Variants in ADAMTS17 observed in about 807,000 individuals in gnomAD.
ADAMTS17 encodes the protein ADAM metallopeptidase with thrombospondin type 1 motif 17, also known as A disintegrin and metalloproteinase with thrombospondin motifs 17.
A neutral mutation model predicts 141.5 loss-of-function variants in ADAMTS17; 113 were observed. The ratio of observed to expected loss-of-function variants is 0.80; its 90% confidence interval spans 0.69 to 0.93. ADAMTS17 has a LOEUF of 0.93. Ranked by LOEUF, ADAMTS17 falls within the 40% of genes least tolerant of loss-of-function variation. ADAMTS17 has a pLI of 0.00. For synonymous variants in ADAMTS17, 768 were observed against 630.6 expected, an observed-to-expected ratio of 1.22 and a Z score of -3.27; for missense variants, 1,659 against 1,517.9, an observed-to-expected ratio of 1.09 and a Z score of -1.54.
rs553704462 is a variant in ADAMTS17 at position 100,082,001 on chromosome 15, T to C, written c.2137+14355A>G. ...ATTTGGACTCAGACTCTTTACTTACTAGACATGTTGCAAAAATTGTCAGTC... is the reference window on the plus strand; with the variant it reads ...ATTTGGACTCAGACTCTTTACTTACCAGACATGTTGCAAAAATTGTCAGTC... On this transcript the variant is annotated intron_variant, in intron 15 of 21. Coordinates refer to ENST00000268070, the MANE Select transcript of ADAMTS17 (RefSeq NM_139057.4). 3.9e-5 allele frequency among the ~76,000 whole-genome samples: 6 copies of C among 152,372 alleles called. No homozygotes were observed. In the East Asian group the frequency reaches 1.2e-3, roughly 29 times the overall value.
intron 20 of ADAMTS17, chr15:99,976,726 G>A (rs962708877): frequency 5.3e-5 from 11 of 209,326 alleles, no homozygotes; most frequent in South Asian, 1.7e-4. Context: ...TCTGTAAATC[G>A]GGGAGGGTCT....
chr15:100,097,520 G>A (rs1026190275), intron 14 of ADAMTS17, among the ~76,000 whole-genome samples: 1 of 152,330 alleles, frequency 6.6e-6, no homozygotes, highest in East Asian at 1.9e-4. Flanking sequence ...CTAGCACAGC[G>A]CCTCGGGTGC....
chr15:100,092,117 C>T (rs1380647807), intron 15 of ADAMTS17, among the ~76,000 whole-genome samples: 1 of 152,192 alleles, frequency 6.6e-6, no homozygotes, highest in Non-Finnish European at 1.5e-5. Flanking sequence ...TCTGGCATGT[C>T]TAGGTATTTT....
At chr15:100,008,377 G>T (rs1223289190) in intron 18 of ADAMTS17, among the ~76,000 whole-genome samples, 1 of 152,182 alleles carries the variant, frequency 6.6e-6, no homozygotes, top group African/African-American at 2.4e-5. Flanking sequence ...AGAACAGGCT[G>T]CTGCAGACAC....
intron 6 of ADAMTS17, among the ~76,000 whole-genome samples, chr15:100,258,197 A>T (rs187683343): frequency 9.1e-4 from 138 of 152,346 alleles, no homozygotes; most frequent in Middle Eastern, 3.4e-3. Flanking sequence ...CAAATATCAG[A>T]GTCTCTGCTT....
intron 3 of ADAMTS17, among the ~76,000 whole-genome samples, chr15:100,320,270 G>T (rs2045692279): frequency 6.6e-6 from 1 of 152,136 alleles, no homozygotes; most frequent in South Asian, 2.1e-4. Flanking sequence ...GAAGACGTAG[G>T]TAATGGGAAG....
At chr15:99,975,602 C>T (rs1020903577) in intron 21 of ADAMTS17, among the ~76,000 whole-genome samples, 2 of 152,134 alleles carry the variant, frequency 1.3e-5, no homozygotes, top group African/African-American at 4.8e-5. Flanking sequence ...AGGGCCAAAC[C>T]ACTCACACAG....
intron 12 of ADAMTS17, among the ~76,000 whole-genome samples, chr15:100,121,651 G>A (rs1376420714): frequency 6.6e-6 from 1 of 151,960 alleles, no homozygotes; most frequent in Non-Finnish European, 1.5e-5. Flanking sequence ...ACAAAAAATG[G>A]AGAAAGTTTG....
At chr15:99,982,314 G>A (rs973895338) in intron 20 of ADAMTS17, among the ~76,000 whole-genome samples, 28 of 152,268 alleles carry the variant, frequency 1.8e-4, no homozygotes, top group Admixed American at 6.5e-4. Flanking sequence ...GCTGCCCTTC[G>A]GTCACCAGGC....
intron 18 of ADAMTS17, among the ~76,000 whole-genome samples, chr15:100,043,364 G>C (rs1324396043): frequency 6.6e-6 from 1 of 152,194 alleles, no homozygotes; most frequent in Non-Finnish European, 1.5e-5. Flanking sequence ...AAGTGGGAAA[G>C]AGAAGTGGTG....
At chr15:100,130,258 C>T (rs1012808191) in intron 12 of ADAMTS17, among the ~76,000 whole-genome samples, 25 of 150,742 alleles carry the variant, frequency 1.7e-4, no homozygotes, top group African/African-American at 7.3e-5. Context: ...CAGCTACTTG[C>T]GAGGCTGAGG....
chr15:100,181,963 C>T (rs749684909), intron 8 of ADAMTS17, among the ~76,000 whole-genome samples: 6 of 152,320 alleles, frequency 3.9e-5, no homozygotes, highest in Admixed American at 6.5e-5. Context: ...CTTTAGCCCA[C>T]GAAGGCGAGG....
At chr15:100,082,815 A>G (rs1056618378) in intron 15 of ADAMTS17, among the ~76,000 whole-genome samples, 1 of 136,770 alleles carries the variant, frequency 7.3e-6, no homozygotes, top group African/African-American at 2.8e-5. Context: ...TTTGTGTTGC[A>G]GACTCTCCTT....
At position 99,974,314 on chromosome 15, in the gene ADAMTS17, TG is replaced by T. The variant is rs890248829; in HGVS notation, c.*87del. On this transcript the variant is annotated 3_prime_UTR_variant, in exon 22 of 22. Coordinates refer to ENST00000268070, the MANE Select transcript of ADAMTS17 (RefSeq NM_139057.4). The stretch of plus-strand genomic sequence containing the variant: ...TAGTTGGATTCTTGTGGCAGCCGGG[TG>T]GGGGCGTGGCCACAAGGCTGGTAGG... 46 of 1,557,894 alleles carry T rather than the reference TG, an allele frequency of 3.0e-5. No individual in the cohort carries two copies. The highest frequency in any genetic ancestry group is 3.7e-5 in the Non-Finnish European group (42 of 1,136,528).
intron 8 of ADAMTS17, among the ~76,000 whole-genome samples, chr15:100,169,549 G>T (rs1238651406): frequency 6.6e-6 from 1 of 152,208 alleles, no homozygotes; most frequent in Non-Finnish European, 1.5e-5. Flanking sequence ...CTTGCCTGAG[G>T]TAACTGGCCA....
chr15:100,072,608 C>A (rs1369929949), intron 15 of ADAMTS17, among the ~76,000 whole-genome samples: 1 of 152,160 alleles, frequency 6.6e-6, no homozygotes, highest in African/African-American at 2.4e-5. Flanking sequence ...TACTGCACAT[C>A]TACAGCCATC....
intron 18 of ADAMTS17, among the ~76,000 whole-genome samples, chr15:100,018,843 T>C (rs1293246633): frequency 1.3e-5 from 2 of 152,186 alleles, no homozygotes; most frequent in Non-Finnish European, 2.9e-5. Context: ...ACACTAAAAA[T>C]ATGTGACTAA....
intron 12 of ADAMTS17, among the ~76,000 whole-genome samples, chr15:100,122,673 T>C (rs1323236550): frequency 6.6e-6 from 1 of 152,234 alleles, no homozygotes; most frequent in Non-Finnish European, 1.5e-5. Flanking sequence ...TATATGTGTT[T>C]TATACTATAT....
chr15:100,221,895 T>A (rs2141791679), intron 7 of ADAMTS17, among the ~76,000 whole-genome samples: 1 of 152,314 alleles, frequency 6.6e-6, no homozygotes, highest in Middle Eastern at 3.4e-3. Context: ...CCTTCTGCTC[T>A]CGGGCTGACA....
Sources: allele counts gnomAD v4.1 joint callset (sites outside exome capture counted in the v4.1 genomes callset), GRCh38; gene constraint gnomAD v4.1.1; transcripts MANE v1.5; gene names NCBI Gene and HGNC (gene_info 2026-07-23, HGNC 2026-07-21).